ST6GALNAC3: variants seen among roughly 807,000 people sequenced by gnomAD.
ST6GALNAC3 encodes alpha-N-acetylgalactosaminide alpha-2,6-sialyltransferase 3.
Under a neutral mutation model 32.7 loss-of-function variants are expected in ST6GALNAC3, and 25 were observed. That is an observed-to-expected ratio of 0.76 (90% CI 0.56 to 1.07). The LOEUF (loss-of-function observed/expected upper bound fraction) is 1.07, where lower values mean the gene tolerates loss of function less well. Ranked by LOEUF, ST6GALNAC3 falls within the 50% of genes least tolerant of loss-of-function variation. ST6GALNAC3 has a pLI of 0.00. For missense variants in ST6GALNAC3, 355 were observed against 382.4 expected, an observed-to-expected ratio of 0.93 and a Z score of 0.60; for synonymous variants, 129 against 133.1, an observed-to-expected ratio of 0.97 and a Z score of 0.21.
intron 2 of ST6GALNAC3, among the ~76,000 whole-genome samples, chr1:76,316,067 CAA>C (rs149103058): frequency 6.6e-6 from 1 of 151,976 alleles, no homozygotes; most frequent in African/African-American, 2.4e-5. Context: ...TTAAAAATCA[CAA>C]AGAGATACTA....
chr1:76,328,715 T>TA (rs960700657), intron 2 of ST6GALNAC3, among the ~76,000 whole-genome samples: 1 of 152,188 alleles, frequency 6.6e-6, no homozygotes, highest in African/African-American at 2.4e-5. Flanking sequence ...GATATGGTAA[T>TA]ATATGCTCTC....
chr1:76,604,785 G>A (rs1309030432), intron 3 of ST6GALNAC3, among the ~76,000 whole-genome samples: 1 of 152,084 alleles, frequency 6.6e-6, no homozygotes, highest in Non-Finnish European at 1.5e-5. Flanking sequence ...TTTTCATCAT[G>A]GTGTCACCAT....
chr1:76,587,880 G>A (rs1557602406), intron 3 of ST6GALNAC3, among the ~76,000 whole-genome samples: 2 of 152,266 alleles, frequency 1.3e-5, no homozygotes, highest in East Asian at 1.9e-4. Context: ...GCTACTGGCT[G>A]TGGCAGCACC....
rs961505646 is a variant in ST6GALNAC3, at chr1:76,509,756, C to T, written c.623+97339C>T. 1.4e-4 allele frequency among the ~76,000 whole-genome samples: 21 copies of T among 152,128 alleles called. No individual in the cohort carries two copies. The highest frequency in any genetic ancestry group is 2.6e-4 in the Non-Finnish European group (18 of 68,028). Reference sequence around the variant, plus strand: ...ACTGCCTACATCCTTGGCTCACGGCCCCACTCCACCAATTTCTGCTTCCAT... The same window carrying T: ...ACTGCCTACATCCTTGGCTCACGGCTCCACTCCACCAATTTCTGCTTCCAT... On this transcript the variant is annotated intron_variant, in intron 3 of 4. Coordinates refer to ENST00000328299, the MANE Select transcript of ST6GALNAC3 (RefSeq NM_152996.4). This position sits in a 1 kb window ranked among gnomAD's most constrained non-coding sequence, Gnocchi z 5.5.
rs181685728 is a variant in ST6GALNAC3, at chr1:76,212,500, G to C, written c.19-101305G>C. Among the ~76,000 whole-genome samples, 74 of 152,150 alleles carry C rather than the reference G, an allele frequency of 4.9e-4. 3 individuals are homozygous for C. The highest frequency in any genetic ancestry group is 1.7e-3 in the African/African-American group (69 of 41,512). On this transcript the variant is annotated intron_variant, in intron 1 of 4. Coordinates refer to ENST00000328299, the MANE Select transcript of ST6GALNAC3 (RefSeq NM_152996.4). ...TTGAAAAATACTTCCTGATGGCTTGGAGTTTAGATTCTCAGTTGTTGGATC... is the reference window on the plus strand; with the variant it reads ...TTGAAAAATACTTCCTGATGGCTTGCAGTTTAGATTCTCAGTTGTTGGATC...
chr1:76,081,746 A>G (rs1021654673), intron 1 of ST6GALNAC3, among the ~76,000 whole-genome samples: 45 of 152,208 alleles, frequency 3.0e-4, no homozygotes, highest in African/African-American at 1.0e-3. Context: ...CCTGAACGCA[A>G]GCTTCAGGGC....
intron 3 of ST6GALNAC3, among the ~76,000 whole-genome samples, chr1:76,624,973 A>G (rs908636374): frequency 1.3e-5 from 2 of 151,986 alleles, no homozygotes; most frequent in Admixed American, 6.6e-5. Flanking sequence ...TTAAAACTTA[A>G]TTACAGACTG....
At chr1:76,521,866 C>T (rs556975553) in intron 3 of ST6GALNAC3, among the ~76,000 whole-genome samples, 5 of 152,062 alleles carry the variant, frequency 3.3e-5, no homozygotes, top group Admixed American at 2.0e-4. Context: ...CTCAGGAGTT[C>T]GAGACCAGCC....
At chr1:76,273,887 A>G (rs1658992817) in intron 1 of ST6GALNAC3, among the ~76,000 whole-genome samples, 2 of 151,912 alleles carry the variant, frequency 1.3e-5, no homozygotes, top group Non-Finnish European at 2.9e-5. Flanking sequence ...ACTCTGTGCC[A>G]CTCCTGTGCT....
intron 3 of ST6GALNAC3, among the ~76,000 whole-genome samples, chr1:76,470,088 T>G (rs550885259): frequency 6.6e-6 from 1 of 152,262 alleles, no homozygotes; most frequent in East Asian, 1.9e-4. Context: ...GAAAGTTTAC[T>G]TTCTGTTCCC....
intron 1 of ST6GALNAC3, among the ~76,000 whole-genome samples, chr1:76,126,935 A>T (rs1437949198): frequency 6.6e-6 from 1 of 152,206 alleles, no homozygotes; most frequent in Non-Finnish European, 1.5e-5. Context: ...TCCAGCAAGG[A>T]TGTGAATGTC....
In ST6GALNAC3 at chr1:76,628,908, A is replaced by G. The variant is rs977446888; in HGVS notation, c.*102A>G. ...AGATGATGGTAATGATAAAGACAAC[A>G]ACAATGATTATCAAGTTCCTGTACA... is the stretch of plus-strand genomic sequence containing the variant. On this transcript the variant is annotated 3_prime_UTR_variant, in exon 5 of 5. Transcript: ENST00000328299. 2 of 1,548,040 alleles carry G rather than the reference A, an allele frequency of 1.3e-6. No individual in the cohort carries two copies. The highest frequency in any genetic ancestry group is 1.7e-6 in the Non-Finnish European group (2 of 1,157,530).
intron 3 of ST6GALNAC3, among the ~76,000 whole-genome samples, chr1:76,524,081 G>T (rs1662719502): frequency 6.6e-6 from 1 of 151,892 alleles, no homozygotes; most frequent in Admixed American, 6.6e-5. Context: ...TGATTTTTGT[G>T]TTTGTTTTGT....
intron 3 of ST6GALNAC3, among the ~76,000 whole-genome samples, chr1:76,459,833 T>C (rs1000061782): frequency 4.6e-5 from 7 of 152,196 alleles, no homozygotes; most frequent in Non-Finnish European, 1.0e-4. Flanking sequence ...CATTCATTTT[T>C]ATGACTGAAT....
At position 76,601,223 on chromosome 1, in the gene ST6GALNAC3, A is replaced by AG. The variant is rs1557615336; in HGVS notation, c.624-26228dup. 3.8e-3 allele frequency among the ~76,000 whole-genome samples: 573 copies of AG among 152,218 alleles called. 4 individuals carry two copies. Among genetic ancestry groups the AG allele is most frequent in the African/African-American group, 0.013 (543 of 41,550 alleles). On this transcript the variant is annotated intron_variant, in intron 3 of 4. Coordinates refer to ENST00000328299, the MANE Select transcript of ST6GALNAC3 (RefSeq NM_152996.4). The stretch of plus-strand genomic sequence containing the variant: ...AAACAAAGAAGGAAGGAAGGAAGGA[A>AG]GAAAGGAAGGAAAGTATTCTATTTC...
intron 1 of ST6GALNAC3, among the ~76,000 whole-genome samples, chr1:76,284,801 T>C (rs1659687661): frequency 6.6e-6 from 1 of 152,094 alleles, no homozygotes. Context: ...GCAAAGGTGA[T>C]CAAATCCAGT....
chr1:76,128,464 G>A (rs1476918840), intron 1 of ST6GALNAC3, among the ~76,000 whole-genome samples: 1 of 152,200 alleles, frequency 6.6e-6, no homozygotes, highest in Non-Finnish European at 1.5e-5. Flanking sequence ...GAAGAATCTA[G>A]GAGCCAGTGG....
At chr1:76,371,833 G>A (rs982110160) in intron 2 of ST6GALNAC3, among the ~76,000 whole-genome samples, 12 of 152,058 alleles carry the variant, frequency 7.9e-5, no homozygotes, top group Admixed American at 2.0e-4. Context: ...GTTTCGTGGT[G>A]GTAATTACAG....
intron 1 of ST6GALNAC3, among the ~76,000 whole-genome samples, chr1:76,155,677 C>T (rs915400035): frequency 4.0e-5 from 6 of 151,740 alleles, no homozygotes; most frequent in Non-Finnish European, 7.4e-5. Context: ...CAGGGTTTCA[C>T]CGTGTTAGCT....
Sources: gnomAD v4.1 joint callset for allele counts (sites outside exome capture counted in the v4.1 genomes callset) on GRCh38, gnomAD v4.1.1 for gene constraint, Gnocchi (gnomAD v3.1) non-coding constraint, MANE v1.5 for transcripts, NCBI Gene and HGNC (gene_info 2026-07-23, HGNC 2026-07-21) for gene names.